OSBPL10: variants seen among roughly 807,000 people sequenced by gnomAD.
OSBPL10 encodes the protein oxysterol-binding protein-related protein 10.
OSBPL10 carries 49 observed loss-of-function variants against 81.7 expected under a neutral mutation model. The observed-to-expected ratio is 0.60, with a 90% CI of 0.48 to 0.76. OSBPL10 has a LOEUF of 0.76. Among genes scored for constraint, OSBPL10 ranks in the 30% least tolerant of loss-of-function variants. The pLI, the probability that OSBPL10 is intolerant of heterozygous loss-of-function variation, is 0.00. For synonymous variants in OSBPL10, 419 were observed against 383.6 expected, an observed-to-expected ratio of 1.09 and a Z score of -1.08; for missense variants, 923 against 987.8, an observed-to-expected ratio of 0.93 and a Z score of 0.88.
rs916380179 is a variant in OSBPL10 at position 31,755,500 on chromosome 3, T to C, written c.730-7380A>G. 2.2e-4 allele frequency among the ~76,000 whole-genome samples: 33 copies of C among 152,254 alleles called. 1 individual carries two copies. The highest frequency in any genetic ancestry group is 8.0e-4 in the African/African-American group (33 of 41,474). On this transcript the variant is annotated intron_variant, in intron 4 of 11. Transcript: ENST00000396556. ...GATATTTACCTGCTTTCTGGATTCA[T>C]ACTTACTTTGCTTTGGACTTCATGG... is the stretch of plus-strand genomic sequence containing the variant.
intron 3 of OSBPL10, among the ~76,000 whole-genome samples, chr3:31,872,647 G>A (rs1181230913): frequency 7.8e-6 from 1 of 128,118 alleles, no homozygotes; most frequent in African/African-American, 3.2e-5. Flanking sequence ...TTTGAGACAT[G>A]ATCTCACTCT....
At chr3:31,808,640 T>C (rs762925292) in intron 4 of OSBPL10, among the ~76,000 whole-genome samples, 3 of 152,222 alleles carry the variant, frequency 2.0e-5, no homozygotes, top group African/African-American at 4.8e-5. Flanking sequence ...TCAAATTAAA[T>C]AGAAAGAAAA....
Position 31,672,034 on chromosome 3 carries a change from G to A in OSBPL10, c.1727-1051C>T, listed in dbSNP as rs771304017. On this transcript the variant is annotated intron_variant, in intron 8 of 11. Coordinates refer to ENST00000396556, the MANE Select transcript of OSBPL10 (RefSeq NM_017784.5). ...CTCACTCTAGGGTTGCTCTGAGCTC[G>A]TCAAGAATGCTCTGAGCCTTAGGAG... 7.2e-5 allele frequency among the ~76,000 whole-genome samples: 11 copies of A among 151,998 alleles called. No homozygotes were observed. In the South Asian group the frequency reaches 1.5e-3, roughly 20 times the overall value.
intron 2 of OSBPL10, among the ~76,000 whole-genome samples, chr3:32,040,411 A>T (rs1699563829): frequency 6.6e-6 from 1 of 152,004 alleles, no homozygotes; most frequent in Non-Finnish European, 1.5e-5. Context: ...CATCTCAAAA[A>T]ATATATATAT....
At chr3:31,889,723 G>A (rs144147182) in intron 1 of OSBPL10, among the ~76,000 whole-genome samples, 3 of 152,164 alleles carry the variant, frequency 2.0e-5, no homozygotes, top group African/African-American at 7.2e-5. Context: ...TAGACGGGAG[G>A]ATTTCTAGCA....
chr3:31,684,132 C>G lies in OSBPL10; in HGVS notation c.1246-18G>C. 6.2e-7 allele frequency: 1 copy of G among 1,608,236 alleles called. No individual in the cohort carries two copies. On this transcript the variant is annotated intron_variant, in intron 7 of 11. Coordinates refer to ENST00000396556, the MANE Select transcript of OSBPL10 (RefSeq NM_017784.5). ...AGCACCACCTGCATTTGGAAGGACACAAAGTCAGACAATCCCTGGGATTAC... is the reference window on the plus strand; with the variant it reads ...AGCACCACCTGCATTTGGAAGGACAGAAAGTCAGACAATCCCTGGGATTAC...
chr3:32,044,708 T>C (rs12172948), intron 2 of OSBPL10, among the ~76,000 whole-genome samples: 6,111 of 119,632 alleles, frequency 0.051, 372 homozygotes, highest in African/African-American at 0.16. Context: ...ATCATTGCAC[T>C]CCAGCCTGGG....
chr3:31,711,031 A>C (rs766771371), intron 6 of OSBPL10: 6 of 152,260 alleles, frequency 3.9e-5, no homozygotes, highest in South Asian at 2.1e-4. Flanking sequence ...GAGAAGGAGT[A>C]CATGGATCTT....
chr3:31,664,377 C>G (rs976375904), intron 10 of OSBPL10, 145 bp from the exon 11 acceptor site: 4 of 733,052 alleles, frequency 5.5e-6, no homozygotes, highest in South Asian at 1.8e-5. Context: ...TCAAAGACCC[C>G]GAGAGCCTAG....
At chr3:31,956,854 C>T (rs980294900) in intron 1 of OSBPL10, among the ~76,000 whole-genome samples, 1 of 152,040 alleles carries the variant, frequency 6.6e-6, no homozygotes, top group Non-Finnish European at 1.5e-5. Flanking sequence ...CACATTGGGC[C>T]GGGTGTGGTG....
At chr3:31,706,929 C>T (rs996130501) in intron 6 of OSBPL10, among the ~76,000 whole-genome samples, 1 of 152,192 alleles carries the variant, frequency 6.6e-6, no homozygotes, top group Admixed American at 6.5e-5. Flanking sequence ...CTTTCCCCTC[C>T]TCAGACAGAT....
At chr3:31,665,700 A>G (rs926514227) in intron 10 of OSBPL10, among the ~76,000 whole-genome samples, 22 of 152,210 alleles carry the variant, frequency 1.4e-4, no homozygotes, top group Admixed American at 1.4e-3. Flanking sequence ...AGACTCGCCC[A>G]AACAGTAAGG....
intron 10 of OSBPL10, among the ~76,000 whole-genome samples, chr3:31,666,474 C>G (rs1700193503): frequency 6.6e-6 from 1 of 152,204 alleles, no homozygotes. Context: ...CCCTCCTTTG[C>G]CTCTGCAGGG....
At chr3:32,043,007 C>T (rs138161104) in intron 2 of OSBPL10, among the ~76,000 whole-genome samples, 2,251 of 152,138 alleles carry the variant, frequency 0.015, 67 homozygotes, top group African/African-American at 0.051. Context: ...AAACAGGGTT[C>T]GAGAGCAGAG....
chr3:31,694,046 G>A (rs188963848), intron 7 of OSBPL10, among the ~76,000 whole-genome samples: 51 of 152,230 alleles, frequency 3.4e-4, no homozygotes, highest in African/African-American at 1.2e-3. Context: ...CTGGGATTAC[G>A]GATGTAAGCC....
At chr3:31,966,464 CAG>C (rs1319648293) in intron 1 of OSBPL10, among the ~76,000 whole-genome samples, 1 of 150,842 alleles carries the variant, frequency 6.6e-6, no homozygotes, top group East Asian at 1.9e-4. Context: ...AAATTGAAAA[CAG>C]AGAAAGAATA....
chr3:32,038,511 A>C (rs911114210), intron 2 of OSBPL10, among the ~76,000 whole-genome samples: 2 of 152,090 alleles, frequency 1.3e-5, no homozygotes, highest in African/African-American at 4.8e-5. Context: ...TTATAGAAAC[A>C]GGGTTTCACC....
intron 1 of OSBPL10, among the ~76,000 whole-genome samples, chr3:31,942,232 G>A (rs1352248812): frequency 6.6e-6 from 1 of 151,822 alleles, no homozygotes; most frequent in Non-Finnish European, 1.5e-5. Context: ...CCGAGATGGC[G>A]CCACAAGAAT....
chr3:32,014,849 C>T (rs926260635), intron 2 of OSBPL10, among the ~76,000 whole-genome samples: 1 of 152,096 alleles, frequency 6.6e-6, no homozygotes, highest in African/African-American at 2.4e-5. Flanking sequence ...TTCACAATTG[C>T]TTCAAAGAGA....
Sources: gnomAD v4.1 joint callset for allele counts (sites outside exome capture counted in the v4.1 genomes callset) on GRCh38, gnomAD v4.1.1 for gene constraint, MANE v1.5 for transcripts, NCBI Gene and HGNC (gene_info 2026-07-23, HGNC 2026-07-21) for gene names.